The following PALLD variants were observed in gnomAD, a reference collection of about 807,000 sequenced individuals.
PALLD encodes palladin, cytoskeletal associated protein, also known as palladin.
PALLD carries 61 observed loss-of-function variants against 123.5 expected under a neutral mutation model. That is an observed-to-expected ratio of 0.49 (90% confidence interval 0.40 to 0.61). The LOEUF (loss-of-function observed/expected upper bound fraction) is 0.61. Among genes scored for constraint, PALLD ranks in the 20% least tolerant of loss-of-function variants. PALLD has a pLI of 0.00. For synonymous variants in PALLD, 465 were observed against 496.4 expected, an observed-to-expected ratio of 0.94 and a Z score of 0.84; for missense variants, 1,273 against 1,377.0, an observed-to-expected ratio of 0.92 and a Z score of 1.20.
At chr4:168,756,786 A>G (rs1731949567) in intron 10 of PALLD, among the ~76,000 whole-genome samples, 1 of 152,210 alleles carries the variant, frequency 6.6e-6, no homozygotes, top group African/African-American at 2.4e-5. Context: ...TATAAACTTG[A>G]GAGTCACCAC....
At chr4:168,873,987 C>T (rs1259072962) in intron 10 of PALLD, among the ~76,000 whole-genome samples, 1 of 152,186 alleles carries the variant, frequency 6.6e-6, no homozygotes, top group Non-Finnish European at 1.5e-5. Context: ...CTGCCAGCCA[C>T]TTGCAATGGA....
At chr4:168,788,638 T>C (rs1232972436) in intron 10 of PALLD, among the ~76,000 whole-genome samples, 5 of 152,096 alleles carry the variant, frequency 3.3e-5, no homozygotes, top group African/African-American at 1.2e-4. Context: ...GTGATAATCA[T>C]GTGTCATGAG....
chr4:168,517,395 T>C (rs192720506), intron 2 of PALLD, among the ~76,000 whole-genome samples: 119 of 152,304 alleles, frequency 7.8e-4, no homozygotes, highest in Middle Eastern at 3.4e-3. Context: ...TAGGTCATCA[T>C]TGTTAGCCCT....
In PALLD at chr4:168,737,898, G is replaced by T. The variant is rs117160109; in HGVS notation, c.1964+25975G>T. On this transcript the variant is annotated intron_variant, in intron 10 of 21. Transcript: ENST00000505667. Reference sequence around the variant, plus strand: ...TGCTGTGGCAGTGGTTTCGGGCTGAGCAAAACACGCATAGCATGCTGACCA... The same window carrying T: ...TGCTGTGGCAGTGGTTTCGGGCTGATCAAAACACGCATAGCATGCTGACCA... 1.1e-4 allele frequency among the ~76,000 whole-genome samples: 17 copies of T among 152,318 alleles called. No homozygotes were observed. The East Asian group carries it at 3.3e-3, about 29-fold the overall frequency.
At chr4:168,555,934 C>A (rs1389470839) in intron 2 of PALLD, among the ~76,000 whole-genome samples, 3 of 152,148 alleles carry the variant, frequency 2.0e-5, no homozygotes, top group African/African-American at 7.2e-5. Flanking sequence ...ACCTAAGACA[C>A]CCTATTTAAC....
intron 10 of PALLD, among the ~76,000 whole-genome samples, chr4:168,879,207 T>C (rs1009682612): frequency 1.3e-5 from 2 of 152,188 alleles, no homozygotes; most frequent in Non-Finnish European, 2.9e-5. Context: ...ATCACAGTGA[T>C]GATGTGGCAG....
intron 10 of PALLD, among the ~76,000 whole-genome samples, chr4:168,785,846 G>GAGATATATATATATATATATATATATAT (rs764117358): frequency 4.9e-5 from 4 of 80,896 alleles, no homozygotes; most frequent in Non-Finnish European, 1.1e-4. Context: ...AAACTGTAGA[G>GAGATATATATATATATATATATATATAT]ATATATATAT....
chr4:168,534,837 C>G (rs578072233), intron 2 of PALLD, among the ~76,000 whole-genome samples: 1 of 152,164 alleles, frequency 6.6e-6, no homozygotes, highest in Non-Finnish European at 1.5e-5. Flanking sequence ...TTATCTCATA[C>G]TAATTGGCTG....
chr4:168,540,958 G>A (rs1580212903), intron 2 of PALLD, among the ~76,000 whole-genome samples: 1 of 152,170 alleles, frequency 6.6e-6, no homozygotes, highest in African/African-American at 2.4e-5. Context: ...TTGTGGAAGG[G>A]TTATAGATAT....
chr4:168,567,942 T>C (rs1310630768), intron 2 of PALLD, among the ~76,000 whole-genome samples: 3 of 152,190 alleles, frequency 2.0e-5, no homozygotes, highest in African/African-American at 7.2e-5. Context: ...CCTAAATCTA[T>C]AAAGTTTTTT....
chr4:168,824,668 A>C (rs1743169040), intron 10 of PALLD, among the ~76,000 whole-genome samples: 1 of 152,128 alleles, frequency 6.6e-6, no homozygotes, highest in South Asian at 2.1e-4. Flanking sequence ...GTAAAAAAAA[A>C]ATCTTAATTT....
At position 168,560,183 on chromosome 4, in the gene PALLD, AG is replaced by A. The variant is rs540391064; in HGVS notation, c.908+47772del. 2.6e-3 allele frequency among the ~76,000 whole-genome samples: 395 copies of A among 152,308 alleles called. 2 individuals carry two copies. Among genetic ancestry groups the A allele is most frequent in the Middle Eastern group, 6.8e-3 (2 of 294 alleles). On this transcript the variant is annotated intron_variant, in intron 2 of 21. Transcript: ENST00000505667. ...ATGTTCTTTCTGAAGACCCATAATT[AG>A]ATTTCTAGCTTGTTGTTCAATAAAA...
At chr4:168,540,101 T>C (rs1158801973) in intron 2 of PALLD, among the ~76,000 whole-genome samples, 1 of 152,138 alleles carries the variant, frequency 6.6e-6, no homozygotes, top group East Asian at 1.9e-4. Flanking sequence ...GAATGTTAAT[T>C]ATGGCACCGT....
chr4:168,663,607 G>T (rs1240064600), intron 2 of PALLD, among the ~76,000 whole-genome samples: 2 of 152,184 alleles, frequency 1.3e-5, no homozygotes, highest in Admixed American at 6.5e-5. Flanking sequence ...CTAGGAACTG[G>T]CTAACCCTGG....
chr4:168,921,792 A>G, intron 18 of PALLD, 51 bp downstream of exon 18: 1 of 1,318,408 alleles, frequency 7.6e-7, no homozygotes, highest in Non-Finnish European at 1.1e-6. Context: ...CATCAGACTT[A>G]CAAATGTAAA....
chr4:168,721,180 T>C (rs1267096506), intron 10 of PALLD, among the ~76,000 whole-genome samples: 2 of 152,248 alleles, frequency 1.3e-5, no homozygotes, highest in Admixed American at 6.5e-5. Context: ...GAATACATGA[T>C]GATAACAATA....
intron 10 of PALLD, among the ~76,000 whole-genome samples, chr4:168,867,110 C>CTA (rs1750399251): frequency 6.6e-6 from 1 of 152,200 alleles, no homozygotes; most frequent in Admixed American, 6.5e-5. Context: ...GGACAACTTA[C>CTA]TATATATCTT....
At chr4:168,915,871 A>G (rs745753485) in intron 16 of PALLD, 24 bp from the exon 17 acceptor site, 15 of 1,597,514 alleles carry the variant, frequency 9.4e-6, no homozygotes, top group Admixed American at 1.7e-5. Flanking sequence ...ATTTCTATCT[A>G]TCTGTCATCT....
intron 6 of PALLD, 122 bp downstream of exon 6, chr4:168,685,681 G>C: frequency 2.6e-6 from 2 of 768,878 alleles, no homozygotes; most frequent in Non-Finnish European, 4.7e-6. Flanking sequence ...GATTACCATG[G>C]TTACCTTTGG....
Sources: gnomAD v4.1 joint callset for allele counts (sites outside exome capture counted in the v4.1 genomes callset) on GRCh38, gnomAD v4.1.1 for gene constraint, MANE v1.5 for transcripts, NCBI Gene and HGNC (gene_info 2026-07-23, HGNC 2026-07-21) for gene names.